TBC1D23: variants seen among roughly 807,000 people sequenced by gnomAD.
TBC1D23 encodes HCV non-structural protein 4A-transactivated protein 1.
Under a neutral mutation model 91.4 loss-of-function variants are expected in TBC1D23, and 55 were observed. The ratio of observed to expected loss-of-function variants is 0.60; its 90% CI spans 0.48 to 0.75. TBC1D23 has a LOEUF of 0.75. Among genes scored for constraint, TBC1D23 ranks in the 30% least tolerant of loss-of-function variants. The pLI, the probability that TBC1D23 is intolerant of heterozygous loss-of-function variation, is 0.00. For synonymous variants in TBC1D23, 289 were observed against 281.0 expected (o/e 1.03, Z -0.28); for missense variants, 725 against 836.1 (o/e 0.87, Z 1.64).
chr3:100,300,975 G>A (rs1215896414), intron 10 of TBC1D23, among the ~76,000 whole-genome samples: 1 of 151,934 alleles, frequency 6.6e-6, no homozygotes, highest in Admixed American at 6.6e-5. Flanking sequence ...GGTACATGTA[G>A]GTATACTATA....
rs71132518 is a variant in TBC1D23 at position 100,309,610 on chromosome 3, C to CTTT, written c.1414-776_1414-774dup. Among the ~76,000 whole-genome samples the CTTT allele has an allele frequency of 3.1e-4, 36 of 116,120 alleles. 2 individuals are homozygous for CTTT. Among genetic ancestry groups the CTTT allele is most frequent in the African/African-American group, 9.5e-4 (30 of 31,420 alleles). The allele number at this position is 116,120 out of a possible 152,430, so 76.2% of individuals were successfully genotyped here. On this transcript the variant is annotated intron_variant, in intron 13 of 18. Coordinates refer to ENST00000394144, the MANE Select transcript of TBC1D23 (RefSeq NM_001199198.3). ...TATCCTAAATTTTTTATTCTACCTT[C>CTTT]TTTTTTTTTTTTTTTTTTTGAGACA...
intron 3 of TBC1D23, among the ~76,000 whole-genome samples, chr3:100,282,662 A>G (rs1035796711): frequency 3.9e-5 from 6 of 152,192 alleles, no homozygotes; most frequent in African/African-American, 7.2e-5. Flanking sequence ...TTTTAGTTAA[A>G]TTATTAGCTT....
chr3:100,276,934 A>G (rs922641849), intron 1 of TBC1D23, among the ~76,000 whole-genome samples: 2 of 152,194 alleles, frequency 1.3e-5, no homozygotes, highest in Non-Finnish European at 2.9e-5. Flanking sequence ...TGTACTTTCT[A>G]GAATAAATGG....
intron 1 of TBC1D23, among the ~76,000 whole-genome samples, chr3:100,268,593 A>C (rs925413427): frequency 3.3e-5 from 5 of 152,204 alleles, no homozygotes; most frequent in African/African-American, 7.2e-5. Context: ...TACACTTTGG[A>C]TAAAGTGGAA....
At chr3:100,286,539 C>T (rs1414896223) in intron 4 of TBC1D23, among the ~76,000 whole-genome samples, 1 of 151,300 alleles carries the variant, frequency 6.6e-6, no homozygotes, top group Non-Finnish European at 1.5e-5. Context: ...ACTTTGTCAT[C>T]CAAGCTGGAG....
chr3:100,266,697 A>G (rs1293353344), intron 1 of TBC1D23, among the ~76,000 whole-genome samples: 2 of 152,194 alleles, frequency 1.3e-5, no homozygotes, highest in Non-Finnish European at 2.9e-5. Flanking sequence ...ATTCATTTTT[A>G]TCTCTGTGTA....
At chr3:100,285,234 C>T (rs2067730214) in intron 4 of TBC1D23, among the ~76,000 whole-genome samples, 1 of 152,132 alleles carries the variant, frequency 6.6e-6, no homozygotes, top group Admixed American at 6.5e-5. Context: ...AATTTTAGAA[C>T]ATTTTATCAC....
At chr3:100,296,675 C>T (rs551023686) in intron 8 of TBC1D23, among the ~76,000 whole-genome samples, 2 of 151,218 alleles carry the variant, frequency 1.3e-5, no homozygotes, top group East Asian at 1.9e-4. Context: ...CTGGCTAACA[C>T]GGTGAAACCC....
At chr3:100,269,708 G>T (rs1409404302) in intron 1 of TBC1D23, among the ~76,000 whole-genome samples, 1 of 152,156 alleles carries the variant, frequency 6.6e-6, no homozygotes, top group Admixed American at 6.5e-5. Context: ...AAGGAGTTTT[G>T]TTATGGTAGT....
chr3:100,279,118 A>T (rs2067674508), intron 1 of TBC1D23, among the ~76,000 whole-genome samples: 1 of 152,178 alleles, frequency 6.6e-6, no homozygotes, highest in African/African-American at 2.4e-5. Context: ...CCTATACCAT[A>T]ATACTGGTAA....
At chr3:100,298,579 G>A (rs904153628) in intron 9 of TBC1D23, among the ~76,000 whole-genome samples, 1 of 152,146 alleles carries the variant, frequency 6.6e-6, no homozygotes, top group African/African-American at 2.4e-5. Flanking sequence ...GTATTTCCAA[G>A]GTTGAGGGCA....
intron 15 of TBC1D23, among the ~76,000 whole-genome samples, chr3:100,315,061 A>G (rs1430685795): frequency 6.6e-6 from 1 of 151,398 alleles, no homozygotes; most frequent in Non-Finnish European, 1.5e-5. Flanking sequence ...ATTAATTTTT[A>G]TATTCCAAAG....
At position 100,325,209 on chromosome 3, in the gene TBC1D23, A is replaced by G. The variant is rs889930279; in HGVS notation, c.*1541A>G. On this transcript the variant is annotated 3_prime_UTR_variant, in exon 19 of 19. Coordinates refer to ENST00000394144, the MANE Select transcript of TBC1D23 (RefSeq NM_001199198.3). Reference sequence around the variant, plus strand: ...TTTGTGTTACTGTTTATAAATTACAATTGTAAATAAATTACTAGTTTGCCC... The same window carrying G: ...TTTGTGTTACTGTTTATAAATTACAGTTGTAAATAAATTACTAGTTTGCCC... The G allele has an allele frequency of 6.6e-6, 1 of 152,200 alleles. No homozygotes were observed. The allele number at this position is 152,200 out of a possible 1,614,324, so 9.4% of individuals were successfully genotyped here. A position where few individuals can be genotyped will look rare whatever the true frequency, so the allele number is the denominator to read the frequency against.
intron 1 of TBC1D23, chr3:100,267,359 G>T (rs1294940746): frequency 3.2e-6 from 1 of 314,588 alleles, no homozygotes; most frequent in Non-Finnish European, 6.3e-6. Context: ...TGTTTCAAGG[G>T]TCTGCGTAAC....
intron 1 of TBC1D23, 105 bp downstream of exon 1, chr3:100,261,176 C>T: frequency 8.7e-7 from 1 of 1,142,936 alleles, no homozygotes; most frequent in Non-Finnish European, 1.3e-6. Flanking sequence ...ACGGAGAGGC[C>T]GGTCCTAGGC....
chr3:100,285,196 A>G (rs140610960), intron 4 of TBC1D23, among the ~76,000 whole-genome samples: 83 of 152,338 alleles, frequency 5.4e-4, no homozygotes, highest in Non-Finnish European at 9.1e-4. Flanking sequence ...AATTATAGTC[A>G]CAGAGTTGTA....
chr3:100,284,503 A>C (rs1015643946), intron 4 of TBC1D23, among the ~76,000 whole-genome samples: 15 of 152,132 alleles, frequency 9.9e-5, no homozygotes, highest in African/African-American at 3.6e-4. Flanking sequence ...TAGGCATTGA[A>C]CAAGTAAATT....
At chr3:100,306,925 C>T (rs906557545) in intron 13 of TBC1D23, among the ~76,000 whole-genome samples, 4 of 152,100 alleles carry the variant, frequency 2.6e-5, no homozygotes, top group Non-Finnish European at 5.9e-5. Context: ...CAGGCATCTC[C>T]CAGTTAGTTT....
chr3:100,294,556 C>T (rs1164779821), intron 5 of TBC1D23, among the ~76,000 whole-genome samples: 4 of 152,054 alleles, frequency 2.6e-5, no homozygotes, highest in South Asian at 2.1e-4. Flanking sequence ...CCACTGCGCC[C>T]GGCCTAATCT....
Sources: allele counts gnomAD v4.1 joint callset (sites outside exome capture counted in the v4.1 genomes callset), GRCh38; gene constraint gnomAD v4.1.1; transcripts MANE v1.5; gene names NCBI Gene and HGNC (gene_info 2026-07-23, HGNC 2026-07-21).